Variants in SUPT3H observed in about 807,000 individuals in gnomAD.
SUPT3H encodes the protein transcription initiation protein SPT3 homolog.
SUPT3H carries 44 observed loss-of-function variants against 44.3 expected under a neutral mutation model. The ratio of observed to expected loss-of-function variants is 0.99; its 90% confidence interval spans 0.78 to 1.28. The LOEUF is 1.28. SUPT3H is among the 50% of genes most tolerant of loss of function. The probability of loss-of-function intolerance (pLI) is 0.00; values close to 1 mark genes in which losing one functional copy is unlikely to be tolerated. For synonymous variants in SUPT3H, 124 were observed against 125.6 expected (o/e 0.99, Z 0.09); for missense variants, 380 against 387.1 (o/e 0.98, Z 0.15).
intron 2 of SUPT3H, among the ~76,000 whole-genome samples, chr6:45,257,498 G>A (rs567502205): frequency 6.6e-6 from 1 of 152,134 alleles, no homozygotes; most frequent in South Asian, 2.1e-4. Context: ...ACTAGGTTTG[G>A]GTCACATGAC....
chr6:45,225,275 A>G (rs1167540407), intron 2 of SUPT3H, among the ~76,000 whole-genome samples: 3 of 43,586 alleles, frequency 6.9e-5, no homozygotes, highest in Non-Finnish European at 1.7e-4. Flanking sequence ...GCGAAACTCC[A>G]TCTAAAAAAA....
intron 10 of SUPT3H, among the ~76,000 whole-genome samples, chr6:44,903,710 C>T (rs999543748): frequency 3.3e-5 from 5 of 152,084 alleles, no homozygotes; most frequent in East Asian, 1.9e-4. Context: ...ATACCAAAGC[C>T]GGGCAGAGAC....
At chr6:45,173,987 G>A (rs6918974) in intron 2 of SUPT3H, among the ~76,000 whole-genome samples, 1 of 152,162 alleles carries the variant, frequency 6.6e-6, no homozygotes, top group African/African-American at 2.4e-5. Flanking sequence ...CTGGAAAATA[G>A]GGCATCTGTT....
At chr6:45,247,869 T>C (rs370610135) in intron 2 of SUPT3H, among the ~76,000 whole-genome samples, 2 of 152,152 alleles carry the variant, frequency 1.3e-5, no homozygotes, top group African/African-American at 4.8e-5. Context: ...GGAGAAATGT[T>C]AGACTCAAAA....
At chr6:44,836,501 GC>G (rs1450060680) in intron 10 of SUPT3H, among the ~76,000 whole-genome samples, 9 of 152,030 alleles carry the variant, frequency 5.9e-5, no homozygotes, top group Non-Finnish European at 1.3e-4. Flanking sequence ...GTAACCCAGA[GC>G]CCATAAATCT....
chr6:45,274,641 G>C (rs556781113), intron 2 of SUPT3H, among the ~76,000 whole-genome samples: 1 of 152,208 alleles, frequency 6.6e-6, no homozygotes, highest in African/African-American at 2.4e-5. Context: ...AGCACTCTGG[G>C]AGGCTGAGGC....
At chr6:45,227,124 T>C (rs1301289715) in intron 2 of SUPT3H, among the ~76,000 whole-genome samples, 1 of 151,556 alleles carries the variant, frequency 6.6e-6, no homozygotes, top group Admixed American at 6.6e-5. Context: ...GATTACAGGA[T>C]GAGCCACAAT....
intron 11 of SUPT3H, among the ~76,000 whole-genome samples, chr6:44,809,968 G>C (rs1581787592): frequency 6.6e-6 from 1 of 152,204 alleles, no homozygotes; most frequent in Non-Finnish European, 1.5e-5. Flanking sequence ...CTTAGTGCCA[G>C]ATCCACGGAG....
At chr6:45,167,937 G>A (rs1171510606) in intron 2 of SUPT3H, among the ~76,000 whole-genome samples, 1 of 151,536 alleles carries the variant, frequency 6.6e-6, no homozygotes, top group African/African-American at 2.4e-5. Flanking sequence ...TCAACCTCCC[G>A]AGTAGCTGGG....
intron 2 of SUPT3H, among the ~76,000 whole-genome samples, chr6:45,298,395 T>C (rs1352899694): frequency 6.6e-6 from 1 of 152,184 alleles, no homozygotes; most frequent in Non-Finnish European, 1.5e-5. Context: ...TGTATCACAG[T>C]TAATTCCTAG....
chr6:44,904,446 G>C (rs1242753355), intron 10 of SUPT3H, among the ~76,000 whole-genome samples: 12 of 152,016 alleles, frequency 7.9e-5, no homozygotes, highest in South Asian at 6.2e-4. Context: ...AAAATACCTA[G>C]GAATCCAACT....
chr6:45,042,359 G>C (rs1421746401), intron 3 of SUPT3H, among the ~76,000 whole-genome samples: 1 of 152,170 alleles, frequency 6.6e-6, no homozygotes, highest in African/African-American at 2.4e-5. Flanking sequence ...AGAGGCAGAG[G>C]TCGCAGTGAG....
At chr6:44,853,417 TG>T (rs1773217740) in intron 10 of SUPT3H, among the ~76,000 whole-genome samples, 1 of 152,116 alleles carries the variant, frequency 6.6e-6, no homozygotes, top group Non-Finnish European at 1.5e-5. Context: ...CCTAGCACTT[TG>T]GGAGGTCAAT....
At chr6:45,163,645 T>C (rs563132337) in intron 2 of SUPT3H, among the ~76,000 whole-genome samples, 7 of 152,302 alleles carry the variant, frequency 4.6e-5, no homozygotes, top group African/African-American at 1.7e-4. Flanking sequence ...TGCTCATTGC[T>C]ATAACCAAGG....
intron 2 of SUPT3H, among the ~76,000 whole-genome samples, chr6:45,172,830 T>A (rs1226279633): frequency 6.6e-6 from 1 of 152,120 alleles, no homozygotes; most frequent in African/African-American, 2.4e-5. Context: ...GACCTCGTGA[T>A]CCGCCCATCT....
intron 10 of SUPT3H, among the ~76,000 whole-genome samples, chr6:44,901,816 G>A (rs1316877341): frequency 6.6e-6 from 1 of 152,166 alleles, no homozygotes. Flanking sequence ...CAGACTAACA[G>A]CTGATCTCTC....
intron 2 of SUPT3H, among the ~76,000 whole-genome samples, chr6:45,213,989 C>G (rs537433781): frequency 1.1e-5 from 1 of 91,134 alleles, no homozygotes; most frequent in Non-Finnish European, 2.1e-5. Context: ...TAATAACACT[C>G]GAAAGCCTTT....
intron 2 of SUPT3H, among the ~76,000 whole-genome samples, chr6:45,133,459 ATACT>A (rs1274607795): frequency 6.6e-6 from 1 of 152,192 alleles, no homozygotes; most frequent in East Asian, 1.9e-4. Context: ...ACCATACCAG[ATACT>A]TAGTTAAAAT....
At chr6:44,900,533 A>T (rs1282651821) in intron 10 of SUPT3H, among the ~76,000 whole-genome samples, 2 of 152,190 alleles carry the variant, frequency 1.3e-5, no homozygotes, top group Non-Finnish European at 2.9e-5. Flanking sequence ...GGAAGCTCGA[A>T]CTGGGTGGAG....
Sources: allele counts gnomAD v4.1 joint callset (sites outside exome capture counted in the v4.1 genomes callset), GRCh38; gene constraint gnomAD v4.1.1; transcripts MANE v1.5; gene names NCBI Gene and HGNC (gene_info 2026-07-23, HGNC 2026-07-21).